The following FAM222A variants were observed in gnomAD, a reference collection of about 807,000 sequenced individuals.
FAM222A encodes the protein protein FAM222A.
In FAM222A, 7 loss-of-function variants were observed where a neutral mutation model predicts 25.8. The ratio of observed to expected loss-of-function variants is 0.27; its 90% confidence interval spans 0.15 to 0.51. The LOEUF (loss-of-function observed/expected upper bound fraction) is 0.51, where lower values mean the gene tolerates loss of function less well. Ranked by LOEUF, FAM222A falls within the 20% of genes least tolerant of loss-of-function variation. The pLI, the probability that FAM222A is intolerant of heterozygous loss-of-function variation, is 0.97. For missense variants in FAM222A, 573 were observed against 640.5 expected, an observed-to-expected ratio of 0.89 and a Z score of 1.14; for synonymous variants, 294 against 298.8, an observed-to-expected ratio of 0.98 and a Z score of 0.17.
At chr12:109,740,314 A>G (rs917370136) in intron 1 of FAM222A, among the ~76,000 whole-genome samples, 2 of 151,998 alleles carry the variant, frequency 1.3e-5, no homozygotes, top group African/African-American at 4.8e-5. Flanking sequence ...ATCAGCCCCC[A>G]TGTCAGGGAA....
intron 1 of FAM222A, chr12:109,742,202 A>T (rs1235648050): frequency 6.6e-6 from 1 of 152,324 alleles, no homozygotes. Context: ...CAGCAAACAC[A>T]TATGTACATA....
intron 1 of FAM222A, among the ~76,000 whole-genome samples, chr12:109,716,885 C>T (rs554810243): frequency 1.3e-5 from 2 of 152,374 alleles, no homozygotes; most frequent in South Asian, 4.1e-4. Context: ...TTTACATGAT[C>T]TCAGTTACTC....
chr12:109,749,568 A>T (rs1293123011), intron 2 of FAM222A, among the ~76,000 whole-genome samples: 3 of 152,020 alleles, frequency 2.0e-5, no homozygotes, highest in African/African-American at 7.3e-5. Context: ...AAAGGTGTTC[A>T]CTTTGTTTTC....
chr12:109,737,585 TA>T (rs11311105), intron 1 of FAM222A, among the ~76,000 whole-genome samples: 60,254 of 138,780 alleles, frequency 0.43, 12,625 homozygotes, highest in East Asian at 0.65. Context: ...CCCCCAACCT[TA>T]AAAAAAAAAA....
intron 2 of FAM222A, among the ~76,000 whole-genome samples, chr12:109,759,255 A>T (rs576794930): frequency 3.3e-4 from 50 of 152,298 alleles, no homozygotes; most frequent in African/African-American, 1.1e-3. Context: ...TGCACCCCAC[A>T]GGATGGTGAG....
chr12:109,725,028 CAG>C (rs1369298132), intron 1 of FAM222A, among the ~76,000 whole-genome samples: 2 of 152,066 alleles, frequency 1.3e-5, no homozygotes, highest in South Asian at 2.1e-4. Context: ...AACTGAGGCT[CAG>C]AGAGATTGAG....
chr12:109,735,547 G>A (rs1015183751), intron 1 of FAM222A: 12 of 152,240 alleles, frequency 7.9e-5, no homozygotes, highest in African/African-American at 2.9e-4. Context: ...GTGGGAGGAA[G>A]GCTAGAGATA....
intron 1 of FAM222A, among the ~76,000 whole-genome samples, chr12:109,740,006 C>T (rs746527365): frequency 3.9e-5 from 6 of 152,218 alleles, no homozygotes; most frequent in Admixed American, 3.3e-4. Context: ...GGCTCCCTGA[C>T]GCCCCCTGCA....
intron 1 of FAM222A, among the ~76,000 whole-genome samples, chr12:109,733,894 A>G (rs1413929903): frequency 6.6e-6 from 1 of 152,144 alleles, no homozygotes; most frequent in African/African-American, 2.4e-5. Context: ...AGGGATTCAC[A>G]GAGGTCCTTC....
At chr12:109,767,619 C>A (rs752273170) in intron 2 of FAM222A, among the ~76,000 whole-genome samples, 1 of 152,160 alleles carries the variant, frequency 6.6e-6, no homozygotes, top group African/African-American at 2.4e-5. Context: ...TATGAAGTGA[C>A]AGAAGCCAGG....
chr12:109,756,958 T>G lies in FAM222A; in HGVS notation c.83-11054T>G, dbSNP rs1284634500. Among the ~76,000 whole-genome samples the G allele has an allele frequency of 1.2e-4, 18 of 152,212 alleles. No homozygotes were observed. In the South Asian group the frequency reaches 3.7e-3, roughly 32 times the overall value. On this transcript the variant is annotated intron_variant, in intron 2 of 2. Coordinates refer to ENST00000538780, the MANE Select transcript of FAM222A (RefSeq NM_032829.3). ...TTGGTAGAATTCACCTATGAGGCCATCTAGGTCTGGGCTTTTCATTGTTGG... is the reference window on the plus strand; with the variant it reads ...TTGGTAGAATTCACCTATGAGGCCAGCTAGGTCTGGGCTTTTCATTGTTGG...
intron 1 of FAM222A, chr12:109,743,854 G>C: frequency 1.0e-6 from 1 of 985,408 alleles, no homozygotes; most frequent in Non-Finnish European, 1.2e-6. Flanking sequence ...CAGGGCCGGG[G>C]CATGTGTGAT....
At chr12:109,736,348 TACC>T (rs1254906895) in intron 1 of FAM222A, among the ~76,000 whole-genome samples, 1 of 152,222 alleles carries the variant, frequency 6.6e-6, no homozygotes, top group Non-Finnish European at 1.5e-5. Context: ...CTTAGGCAGC[TACC>T]ACAAGGACCC....
intron 1 of FAM222A, among the ~76,000 whole-genome samples, chr12:109,721,019 A>G (rs916461344): frequency 6.6e-6 from 1 of 152,222 alleles, no homozygotes; most frequent in East Asian, 1.9e-4. Context: ...ACTTTTGCCT[A>G]TTATGAGAAT....
chr12:109,720,023 A>G, intron 1 of FAM222A: 1 of 911,438 alleles, frequency 1.1e-6, no homozygotes, highest in Non-Finnish European at 1.3e-6. Flanking sequence ...GGAGAGTCTC[A>G]ACAGCTTTCT....
At chr12:109,749,525 G>A (rs569867281) in intron 2 of FAM222A, among the ~76,000 whole-genome samples, 2 of 152,252 alleles carry the variant, frequency 1.3e-5, no homozygotes, top group African/African-American at 4.8e-5. Context: ...GCTAATTGTT[G>A]TGAGCTTTGT....
chr12:109,744,260 G>A (rs1161652682), intron 2 of FAM222A, 32 bp downstream of exon 2: 2 of 1,596,950 alleles, frequency 1.3e-6, no homozygotes, highest in East Asian at 2.3e-5. Flanking sequence ...CCTTTGCAGG[G>A]CAGGTCGTGG....
intron 1 of FAM222A, among the ~76,000 whole-genome samples, chr12:109,731,580 C>G (rs1218305269): frequency 6.6e-6 from 1 of 152,204 alleles, no homozygotes; most frequent in Non-Finnish European, 1.5e-5. Context: ...AAGCCACCCC[C>G]TGCCCAGACC....
chr12:109,765,043 C>T (rs2136385447), intron 2 of FAM222A, among the ~76,000 whole-genome samples: 1 of 152,338 alleles, frequency 6.6e-6, no homozygotes, highest in East Asian at 1.9e-4. Flanking sequence ...CTCCCTGCTG[C>T]CCTGGCCAGG....
Sources: allele counts gnomAD v4.1 joint callset (sites outside exome capture counted in the v4.1 genomes callset), GRCh38; gene constraint gnomAD v4.1.1; transcripts MANE v1.5; gene names NCBI Gene and HGNC (gene_info 2026-07-23, HGNC 2026-07-21).